Variants in PMS1 observed in about 807,000 individuals in gnomAD.
The protein encoded by PMS1 is PMS1 protein homolog 1.
Under a neutral mutation model 93.1 loss-of-function variants are expected in PMS1, and 79 were observed. The ratio of observed to expected loss-of-function variants is 0.85; its 90% confidence interval spans 0.71 to 1.02. The LOEUF (loss-of-function observed/expected upper bound fraction) is 1.02. Ranked by LOEUF, PMS1 falls within the 50% of genes least tolerant of loss-of-function variation. PMS1 has a pLI of 0.00. For missense variants in PMS1, 1,064 were observed against 1,085.3 expected (o/e 0.98, Z 0.28); for synonymous variants, 335 against 363.4 (o/e 0.92, Z 0.89).
At chr2:189,844,335 A>G (rs1050013440) in intron 6 of PMS1, among the ~76,000 whole-genome samples, 1 of 152,114 alleles carries the variant, frequency 6.6e-6, no homozygotes, top group Non-Finnish European at 1.5e-5. Flanking sequence ...TTTTCTGTTT[A>G]CTTTCTACTA....
intron 5 of PMS1, among the ~76,000 whole-genome samples, chr2:189,833,876 G>C (rs1310350614): frequency 6.6e-6 from 1 of 152,086 alleles, no homozygotes; most frequent in East Asian, 1.9e-4. Flanking sequence ...AAAAATTATA[G>C]AACTTTCAGA....
At position 189,807,159 on chromosome 2, in the gene PMS1, T is replaced by G. The variant is rs148218967; in HGVS notation, c.418+1405T>G. 493 of 167,378 alleles carry G rather than the reference T, an allele frequency of 2.9e-3. 1 individual carries two copies. The highest frequency in any genetic ancestry group is 0.011 in the African/African-American group (479 of 42,078). 10.4% of individuals were successfully genotyped at this position (167,378 alleles called of 1,614,324 possible). On this transcript the variant is annotated intron_variant, in intron 4 of 12. Coordinates refer to ENST00000441310, the MANE Select transcript of PMS1 (RefSeq NM_000534.5). ...CTTATTTTGTAAATCCTTAGCTTAA[T>G]TACTGATTACTTTTGCCCATTAGGA...
At chr2:189,796,737 G>A (rs549336878) in intron 3 of PMS1, among the ~76,000 whole-genome samples, 2 of 152,212 alleles carry the variant, frequency 1.3e-5, no homozygotes, top group African/African-American at 4.8e-5. Flanking sequence ...TCCATCATGT[G>A]TATATACCAC....
At chr2:189,858,068 G>A (rs1282460591) in intron 9 of PMS1, among the ~76,000 whole-genome samples, 1 of 152,100 alleles carries the variant, frequency 6.6e-6, no homozygotes, top group African/African-American at 2.4e-5. Context: ...ATAACAAAGA[G>A]TTTGAATAAG....
chr2:189,805,716 G>A lies in PMS1; in HGVS notation c.380G>A (p.Gly127Asp). 6.2e-7 allele frequency: 1 copy of A among 1,613,744 alleles called. No homozygotes were observed. The change falls in exon 4 of 13, where the codon GGC (glycine) becomes GAC (aspartate). Residue 127 changes from glycine to aspartate, a missense_variant. Transcript: ENST00000441310. ...FSTQYVLDGSGHILSQKPSHL... is the reference protein window; with the variant it reads ...FSTQYVLDGSDHILSQKPSHL... ...ACCCAGTATGTTTTAGATGGCAGTG[G>A]CCACATACTTTCTCAGAAACCTTCA... is the stretch of plus-strand genomic sequence containing the variant.
chr2:189,857,984 A>C (rs868386523), intron 9 of PMS1, among the ~76,000 whole-genome samples: 5 of 152,112 alleles, frequency 3.3e-5, no homozygotes, highest in African/African-American at 4.8e-5. Context: ...TATGACAGGA[A>C]CAGAATATGA....
chr2:189,863,863 A>G lies in PMS1; in HGVS notation c.1977A>G (p.Ala659=), dbSNP rs771732109. The change falls in exon 10 of 13, where the codon GCA becomes GCG. Residue 659 remains alanine, a synonymous_variant. Transcript: ENST00000441310. ...GAAAAAAGATAAAACCCACCAGCGC[A>G]TGGAATTTGGCCCAGAAGCACAAGT... ...DGRKKIKPTS[A]WNLAQKHKLK... The G allele has an allele frequency of 9.3e-6, 15 of 1,614,132 alleles. No individual in the cohort carries two copies. Among genetic ancestry groups the G allele is most frequent in the Non-Finnish European group, 1.2e-5 (14 of 1,180,020 alleles).
chr2:189,852,016 T>G (rs2054788971), intron 6 of PMS1, among the ~76,000 whole-genome samples: 1 of 152,202 alleles, frequency 6.6e-6, no homozygotes, highest in Non-Finnish European at 1.5e-5. Flanking sequence ...CATTTTCTCT[T>G]TCTTCTTTAT....
chr2:189,864,657 GAAAAAAAAAAAAAAAAAAA>G (rs59807167), intron 10 of PMS1, among the ~76,000 whole-genome samples: 6 of 3,662 alleles, frequency 1.6e-3, no homozygotes, highest in Non-Finnish European at 2.3e-3. Context: ...GTCTGTCTCA[GAAAAAAAAAAAAAAAAAAA>G]AAAAAAAAAA....
At chr2:189,835,906 C>CAAAAAAAAAAAAA (rs3067429) in intron 5 of PMS1, among the ~76,000 whole-genome samples, 1 of 87,014 alleles carries the variant, frequency 1.1e-5, no homozygotes. Flanking sequence ...TAGCCTGTCT[C>CAAAAAAAAAAAAA]AAAAAAAAAA....
At chr2:189,857,846 G>A (rs2055516359) in intron 9 of PMS1, among the ~76,000 whole-genome samples, 1 of 152,098 alleles carries the variant, frequency 6.6e-6, no homozygotes, top group Admixed American at 6.6e-5. Flanking sequence ...TTATCTGTGG[G>A]ACAGGTAATG....
At chr2:189,791,690 C>T in intron 1 of PMS1, 100 bp from the exon 2 acceptor site, 1 of 771,158 alleles carries the variant, frequency 1.3e-6, no homozygotes, top group Non-Finnish European at 2.3e-6. Context: ...CAGTAAGTCT[C>T]AGTGAAGATG....
At chr2:189,852,872 AAG>A in intron 7 of PMS1, 95 bp downstream of exon 7, 1 of 787,830 alleles carries the variant, frequency 1.3e-6, no homozygotes, top group Non-Finnish European at 2.2e-6. Context: ...AATAAAAAAA[AAG>A]AAATACAATG....
At chr2:189,793,877 T>C (rs2049108552) in intron 2 of PMS1, among the ~76,000 whole-genome samples, 1 of 152,240 alleles carries the variant, frequency 6.6e-6, no homozygotes, top group African/African-American at 2.4e-5. Context: ...AGATATGTTT[T>C]CATAATTAAT....
intron 6 of PMS1, among the ~76,000 whole-genome samples, chr2:189,847,088 C>G (rs926349885): frequency 6.6e-6 from 1 of 152,034 alleles, no homozygotes; most frequent in Non-Finnish European, 1.5e-5. Flanking sequence ...TCTTGAACTC[C>G]TGACCTCATG....
chr2:189,852,764 A>C lies in PMS1; in HGVS notation c.809A>C (p.Lys270Thr), dbSNP rs1212233924. The C allele has an allele frequency of 5.7e-6, 9 of 1,587,932 alleles. No homozygotes were observed. Among genetic ancestry groups the C allele is most frequent in the South Asian group, 4.4e-5 (4 of 90,440 alleles). ...IFINSRPVHQKDILKLIRHHY... is the reference protein window; with the variant it reads ...IFINSRPVHQTDILKLIRHHY... ...ATAAACAGTCGACCAGTACATCAAA[A>C]AGATATCTTAAAGGTAGTATGCTTT... Residue 270 changes from lysine (K) to threonine (T), a missense_variant, in exon 7 of 13, where the codon AAA becomes ACA. Coordinates refer to ENST00000441310, the MANE Select transcript of PMS1 (RefSeq NM_000534.5).
Position 189,786,946 on chromosome 2 carries a change from G to A in PMS1, c.-21+2353G>A, listed in dbSNP as rs942866695. On this transcript the variant is annotated intron_variant, in intron 1 of 12. Coordinates refer to ENST00000441310, the MANE Select transcript of PMS1 (RefSeq NM_000534.5). ...CGGGCACCTGTAATCCCAGCTACTC[G>A]GGAGGCTGAGGCAGGAGAATCGCTT... is the stretch of plus-strand genomic sequence containing the variant. Among the ~76,000 whole-genome samples the A allele has an allele frequency of 3.9e-5, 6 of 152,060 alleles. No individual in the cohort carries two copies. The East Asian group carries it at 9.6e-4, about 24-fold the overall frequency.
At chr2:189,824,324 T>C (rs1247950946) in intron 5 of PMS1, among the ~76,000 whole-genome samples, 3 of 152,118 alleles carry the variant, frequency 2.0e-5, no homozygotes, top group African/African-American at 7.2e-5. Context: ...CATAAAATGT[T>C]GATGGAAGCT....
chr2:189,814,729 A>T (rs758745662), intron 4 of PMS1, among the ~76,000 whole-genome samples: 9 of 152,142 alleles, frequency 5.9e-5, no homozygotes, highest in Admixed American at 4.6e-4. Context: ...ACATTTTCTA[A>T]AAAGAAAGAA....
Sources: allele counts gnomAD v4.1 joint callset (sites outside exome capture counted in the v4.1 genomes callset), GRCh38; gene constraint gnomAD v4.1.1; transcripts MANE v1.5; gene names NCBI Gene and HGNC (gene_info 2026-07-23, HGNC 2026-07-21).